Variants in TRIM2 observed in about 807,000 individuals in gnomAD.
TRIM2 encodes the protein tripartite motif-containing protein 2.
Under a neutral mutation model 75.2 loss-of-function variants are expected in TRIM2, and 20 were observed. The observed-to-expected ratio is 0.27, with a 90% CI of 0.19 to 0.39. The LOEUF (loss-of-function observed/expected upper bound fraction) is 0.39, where lower values mean the gene tolerates loss of function less well. Among genes scored for constraint, TRIM2 ranks in the 10% least tolerant of loss-of-function variants. The pLI is 1.00. For synonymous variants in TRIM2, 373 were observed against 388.3 expected, an observed-to-expected ratio of 0.96 and a Z score of 0.46; for missense variants, 660 against 990.8, an observed-to-expected ratio of 0.67 and a Z score of 4.48.
chr4:153,218,693 C>T (rs1739150794), intron 1 of TRIM2, among the ~76,000 whole-genome samples: 1 of 152,092 alleles, frequency 6.6e-6, no homozygotes, highest in Non-Finnish European at 1.5e-5. Flanking sequence ...TTTCTGTGAC[C>T]CTTCCAAATG....
At chr4:153,257,376 A>T (rs777733589) in intron 1 of TRIM2, 20 of 1,121,524 alleles carry the variant, frequency 1.8e-5, no homozygotes, top group Non-Finnish European at 2.2e-5. Context: ...GGTTTGCTGC[A>T]GTCTTTTCAA....
intron 1 of TRIM2, among the ~76,000 whole-genome samples, chr4:153,158,924 G>T (rs1477957564): frequency 1.3e-5 from 2 of 152,242 alleles, no homozygotes; most frequent in Non-Finnish European, 2.9e-5. Flanking sequence ...AAAGAAGACA[G>T]GCTTTCTTCT....
rs1341584531 is a variant in TRIM2, at chr4:153,280,972, C to T, written c.453+4842C>T. On this transcript the variant is annotated intron_variant, in intron 3 of 11. Transcript: ENST00000338700. ...GTGCTGGGATTACAGGTGTGAGCCA[C>T]CGCGCCCAGCCTGCAAATTCTTAAT... is the stretch of plus-strand genomic sequence containing the variant. Among the ~76,000 whole-genome samples, 3 of 152,126 alleles carry T rather than the reference C, an allele frequency of 2.0e-5. No homozygotes were observed. The East Asian group carries it at 5.8e-4, about 29-fold the overall frequency.
At chr4:153,183,126 C>G (rs969551216) in intron 1 of TRIM2, among the ~76,000 whole-genome samples, 1 of 152,212 alleles carries the variant, frequency 6.6e-6, no homozygotes, top group South Asian at 2.1e-4. Flanking sequence ...GATCCACTGA[C>G]TGACCCTGCC....
intron 1 of TRIM2, among the ~76,000 whole-genome samples, chr4:153,244,420 C>CTTTTAA (rs773582468): frequency 1.1e-5 from 1 of 94,704 alleles, no homozygotes; most frequent in Non-Finnish European, 2.2e-5. Flanking sequence ...TCTTCTTCTT[C>CTTTTAA]TTCTTCTTCT....
intron 1 of TRIM2, among the ~76,000 whole-genome samples, chr4:153,163,410 C>G (rs1222279140): frequency 6.6e-6 from 1 of 151,432 alleles, no homozygotes; most frequent in African/African-American, 2.4e-5. Context: ...TCTCAAACTC[C>G]TGGCCTCAAG....
chr4:153,298,720 AG>A (rs941268788), intron 6 of TRIM2, among the ~76,000 whole-genome samples: 1 of 152,068 alleles, frequency 6.6e-6, no homozygotes, highest in Admixed American at 6.6e-5. Flanking sequence ...GCAACTTTCA[AG>A]TGTATATAAT....
intron 6 of TRIM2, among the ~76,000 whole-genome samples, chr4:153,310,622 T>C (rs754888351): frequency 4.3e-4 from 66 of 152,224 alleles, no homozygotes; most frequent in Non-Finnish European, 8.1e-4. Flanking sequence ...GATTCTGCTG[T>C]GCTTTCAGGT....
rs1772659948 is a variant in TRIM2 at position 153,338,088 on chromosome 4, GAAGCA to G, written c.*3125_*3129del. The G allele has an allele frequency of 1.0e-6, 1 of 985,588 alleles. No individual in the cohort carries two copies. Among genetic ancestry groups the G allele is most frequent in the East Asian group, 1.1e-4 (1 of 8,822 alleles). The allele number at this position is 985,588 out of a possible 1,614,324, so 61.1% of individuals were successfully genotyped here. ...ATTTTAATTTACTGTGACTAGATTT[GAAGCA>G]AATAAATACTCCAGATCCATGCAGC... On this transcript the variant is annotated 3_prime_UTR_variant, in exon 12 of 12. Transcript: ENST00000338700.
At chr4:153,263,597 C>T (rs1277346730) in intron 1 of TRIM2, among the ~76,000 whole-genome samples, 5 of 152,184 alleles carry the variant, frequency 3.3e-5, no homozygotes, top group Admixed American at 2.6e-4. Flanking sequence ...CCCTTGTAGG[C>T]CTTACATTCT....
chr4:153,214,214 T>A (rs1041761982), intron 1 of TRIM2, among the ~76,000 whole-genome samples: 17 of 152,232 alleles, frequency 1.1e-4, no homozygotes, highest in Non-Finnish European at 1.9e-4. Flanking sequence ...CTCATTTGCA[T>A]TTCCATGAGC....
chr4:153,175,282 C>G (rs959641068), intron 1 of TRIM2, among the ~76,000 whole-genome samples: 9 of 152,036 alleles, frequency 5.9e-5, no homozygotes, highest in Non-Finnish European at 1.2e-4. Context: ...GGCTTCCCAA[C>G]GTGCTGGCAT....
At chr4:153,328,940 T>A (rs112912164) in intron 11 of TRIM2, among the ~76,000 whole-genome samples, 1 of 152,158 alleles carries the variant, frequency 6.6e-6, no homozygotes, top group Non-Finnish European at 1.5e-5. Flanking sequence ...TGAATAAAAA[T>A]ACTACATTAT....
chr4:153,202,581 C>T (rs906646187), upstream of TRIM2, among the ~76,000 whole-genome samples: 2 of 151,944 alleles, frequency 1.3e-5, no homozygotes, highest in African/African-American at 2.4e-5. Flanking sequence ...CGCCTGTAGT[C>T]CCAGCTACTC....
chr4:153,254,121 A>T (rs1270039383), intron 1 of TRIM2, among the ~76,000 whole-genome samples: 3 of 152,184 alleles, frequency 2.0e-5, no homozygotes, highest in Admixed American at 2.0e-4. Context: ...CAGGAAGCAG[A>T]TGCCGGATTG....
rs1772613705 is a variant in TRIM2 at position 153,337,758 on chromosome 4, T to C, written c.*2792T>C. The C allele has an allele frequency of 5.1e-6, 5 of 985,754 alleles. No homozygotes were observed. The South Asian group carries it at 2.3e-4, about 46-fold the overall frequency. 61.1% of individuals were successfully genotyped at this position (985,754 alleles called of 1,614,324 possible). A position where few individuals can be genotyped will look rare whatever the true frequency, so the allele number is the denominator to read the frequency against. ...ACCATTATTGTTTGATTTCTCTTTGTCAAGTGTATAGAACCTGTCATACAT... is the reference window on the plus strand; with the variant it reads ...ACCATTATTGTTTGATTTCTCTTTGCCAAGTGTATAGAACCTGTCATACAT... On this transcript the variant is annotated 3_prime_UTR_variant, in exon 12 of 12. Transcript: ENST00000338700.
intron 1 of TRIM2, among the ~76,000 whole-genome samples, chr4:153,262,740 T>A (rs1753886267): frequency 6.6e-6 from 1 of 152,188 alleles, no homozygotes; most frequent in South Asian, 2.1e-4. Flanking sequence ...AAAGGGCTGT[T>A]ATCATTCCTG....
chr4:153,216,311 G>C (rs1029706756), intron 1 of TRIM2, among the ~76,000 whole-genome samples: 1 of 152,112 alleles, frequency 6.6e-6, no homozygotes, highest in African/African-American at 2.4e-5. Context: ...TACTCTAATG[G>C]AAGCCAGTAG....
At chr4:153,234,258 A>G (rs1161911320) in intron 1 of TRIM2, among the ~76,000 whole-genome samples, 1 of 152,128 alleles carries the variant, frequency 6.6e-6, no homozygotes, top group African/African-American at 2.4e-5. Context: ...CTTGACATCT[A>G]TGATGTTGCT....
Sources: allele counts gnomAD v4.1 joint callset (sites outside exome capture counted in the v4.1 genomes callset), GRCh38; gene constraint gnomAD v4.1.1; transcripts MANE v1.5; gene names NCBI Gene and HGNC (gene_info 2026-07-23, HGNC 2026-07-21).